The following TBC1D22A variants were observed in gnomAD, a reference collection of about 807,000 sequenced individuals.
TBC1D22A encodes putative GTPase activator.
A neutral mutation model predicts 60.2 loss-of-function variants in TBC1D22A; 38 were observed. The ratio of observed to expected loss-of-function variants is 0.63; its 90% confidence interval spans 0.49 to 0.83. The LOEUF is 0.83. Among genes scored for constraint, TBC1D22A ranks in the 40% least tolerant of loss-of-function variants. The probability of loss-of-function intolerance (pLI) is 0.00; values close to 1 mark genes in which losing one functional copy is unlikely to be tolerated. For missense variants in TBC1D22A, 628 were observed against 701.0 expected, an observed-to-expected ratio of 0.90 and a Z score of 1.18; for synonymous variants, 302 against 281.7, an observed-to-expected ratio of 1.07 and a Z score of -0.72.
intron 4 of TBC1D22A, among the ~76,000 whole-genome samples, chr22:46,822,183 A>T (rs1265174636): frequency 6.6e-6 from 1 of 152,028 alleles, no homozygotes; most frequent in African/African-American, 2.4e-5. Flanking sequence ...GGGTTAGAAC[A>T]TGCTCCTTTA....
At chr22:46,911,784 T>C (rs1398533284) in intron 7 of TBC1D22A, among the ~76,000 whole-genome samples, 1 of 151,864 alleles carries the variant, frequency 6.6e-6, no homozygotes, top group African/African-American at 2.4e-5. Flanking sequence ...CCAGGCATGG[T>C]AGCGCATGCC....
intron 12 of TBC1D22A, among the ~76,000 whole-genome samples, chr22:47,118,450 A>C (rs879716604): frequency 2.0e-5 from 3 of 152,240 alleles, no homozygotes; most frequent in Non-Finnish European, 4.4e-5. Flanking sequence ...GTAATTACAG[A>C]AGGATGTTCA....
chr22:46,943,580 G>C (rs1338381828), intron 8 of TBC1D22A, among the ~76,000 whole-genome samples: 1 of 152,210 alleles, frequency 6.6e-6, no homozygotes, highest in Non-Finnish European at 1.5e-5. Flanking sequence ...TGGTCCATCT[G>C]TCTGTCTCCC....
intron 7 of TBC1D22A, among the ~76,000 whole-genome samples, chr22:46,909,758 G>A (rs912448300): frequency 1.3e-5 from 2 of 152,162 alleles, no homozygotes; most frequent in African/African-American, 4.8e-5. Context: ...TGGACCTAAG[G>A]GCTGTTGAGC....
At chr22:47,173,142 C>T (rs2068553732) in intron 12 of TBC1D22A, among the ~76,000 whole-genome samples, 1 of 152,236 alleles carries the variant, frequency 6.6e-6, no homozygotes, top group African/African-American at 2.4e-5. Flanking sequence ...AAATGAAGCT[C>T]TGGGCGGCCC....
intron 11 of TBC1D22A, among the ~76,000 whole-genome samples, chr22:47,097,823 T>C (rs2065244176): frequency 6.6e-6 from 1 of 152,194 alleles, no homozygotes; most frequent in South Asian, 2.1e-4. Context: ...CTTCTGTCCC[T>C]CTCACTCAGC....
chr22:46,943,567 G>A (rs1016085452), intron 8 of TBC1D22A, among the ~76,000 whole-genome samples: 4 of 152,160 alleles, frequency 2.6e-5, no homozygotes, highest in African/African-American at 4.8e-5. Context: ...TGTGTATTCC[G>A]CCTGGTCCAT....
At chr22:46,881,734 G>A (rs2147517302) in intron 5 of TBC1D22A, among the ~76,000 whole-genome samples, 1 of 152,332 alleles carries the variant, frequency 6.6e-6, no homozygotes, top group South Asian at 2.1e-4. Flanking sequence ...CAGGGGTGGA[G>A]TAAGAGGACT....
At chr22:47,165,792 C>A (rs1287985947) in intron 12 of TBC1D22A, among the ~76,000 whole-genome samples, 1 of 152,110 alleles carries the variant, frequency 6.6e-6, no homozygotes, top group African/African-American at 2.4e-5. Flanking sequence ...AGCGGCCTCC[C>A]CAGGTGGCAT....
chr22:46,894,816 A>G lies in TBC1D22A; in HGVS notation c.870A>G (p.Glu290=). The change falls in exon 7 of 13, where the codon GAA becomes GAG. Residue 290 remains glutamate, a synonymous_variant. Coordinates refer to ENST00000337137, the MANE Select transcript of TBC1D22A (RefSeq NM_014346.5). ...IHIDIPRMSP[E]ALILQPKVTE... is the part of the protein sequence containing the mutation. ...TAGACATCCCTCGCATGAGCCCTGA[A>G]GCGTTGATCCTGCAGCCCAAGGTGA... 6.2e-7 allele frequency: 1 copy of G among 1,614,228 alleles called. No individual in the cohort carries two copies. The highest frequency in any genetic ancestry group is 1.3e-5 in the African/African-American group (1 of 75,062).
At chr22:47,038,225 C>T (rs2062719146) in intron 11 of TBC1D22A, among the ~76,000 whole-genome samples, 2 of 152,310 alleles carry the variant, frequency 1.3e-5, no homozygotes, top group South Asian at 4.1e-4. Flanking sequence ...GTTTTCATCC[C>T]GGCACCTCAA....
intron 8 of TBC1D22A, among the ~76,000 whole-genome samples, chr22:46,956,402 G>A (rs759446736): frequency 1.3e-5 from 2 of 152,136 alleles, no homozygotes; most frequent in Admixed American, 6.5e-5. Context: ...TGGCTAACAC[G>A]GTGAAACCCT....
chr22:47,166,058 A>G (rs1312440616), intron 12 of TBC1D22A, among the ~76,000 whole-genome samples: 5 of 152,214 alleles, frequency 3.3e-5, no homozygotes, highest in African/African-American at 1.2e-4. Flanking sequence ...CATGTTGGCA[A>G]TTTGTAAACT....
intron 1 of TBC1D22A, among the ~76,000 whole-genome samples, chr22:46,770,391 A>T (rs1288296967): frequency 6.6e-6 from 1 of 152,218 alleles, no homozygotes; most frequent in African/African-American, 2.4e-5. Flanking sequence ...CTTCAGTGTG[A>T]TGAGACCCAT....
At chr22:46,899,957 A>G (rs2068893306) in intron 7 of TBC1D22A, among the ~76,000 whole-genome samples, 1 of 151,726 alleles carries the variant, frequency 6.6e-6, no homozygotes, top group Admixed American at 6.6e-5. Context: ...CATCCCTCCA[A>G]CCCCCTGCAT....
At chr22:47,072,885 A>G (rs1158194832) in intron 11 of TBC1D22A, among the ~76,000 whole-genome samples, 1 of 152,216 alleles carries the variant, frequency 6.6e-6, no homozygotes, top group Admixed American at 6.5e-5. Context: ...GCCCGCATGG[A>G]GCCTCTTGCC....
chr22:47,118,488 G>A (rs1011045859), intron 12 of TBC1D22A, among the ~76,000 whole-genome samples: 1 of 152,164 alleles, frequency 6.6e-6, no homozygotes, highest in Non-Finnish European at 1.5e-5. Context: ...CCAGTGCTGG[G>A]CTTGCAAACA....
intron 12 of TBC1D22A, among the ~76,000 whole-genome samples, chr22:47,161,160 G>A (rs536123436): frequency 2.9e-4 from 44 of 152,304 alleles, no homozygotes; most frequent in East Asian, 1.7e-3. Flanking sequence ...AGAAAGAGAC[G>A]GTGCCTGGAT....
chr22:47,116,349 ATGG>A, intron 12 of TBC1D22A: 1 of 152,384 alleles, frequency 6.6e-6, no homozygotes, highest in Middle Eastern at 3.4e-3. Context: ...AGTTAATTTT[ATGG>A]TGAACAGAGT....
Sources: gnomAD v4.1 joint callset for allele counts (sites outside exome capture counted in the v4.1 genomes callset) on GRCh38, gnomAD v4.1.1 for gene constraint, MANE v1.5 for transcripts, NCBI Gene and HGNC (gene_info 2026-07-23, HGNC 2026-07-21) for gene names.